The following NAV1 variants were observed in gnomAD, a reference collection of about 807,000 sequenced individuals.
The protein encoded by NAV1 is neuron navigator 1.
A neutral mutation model predicts 175.2 loss-of-function variants in NAV1; 18 were observed. That is an observed-to-expected ratio of 0.10 (90% confidence interval 0.07 to 0.15). The LOEUF is 0.15. Ranked by LOEUF, NAV1 falls within the 10% of genes least tolerant of loss-of-function variation. The pLI, the probability that NAV1 is intolerant of heterozygous loss-of-function variation, is 1.00. For missense variants in NAV1, 1,731 were observed against 2,436.6 expected, an observed-to-expected ratio of 0.71 and a Z score of 6.10; for synonymous variants, 897 against 978.7, an observed-to-expected ratio of 0.92 and a Z score of 1.56.
intron 1 of NAV1, among the ~76,000 whole-genome samples, chr1:201,581,550 C>T (rs776459709): frequency 6.6e-5 from 10 of 152,070 alleles, no homozygotes; most frequent in African/African-American, 1.7e-4. Context: ...GAGCTCCGGC[C>T]GGGCGCGGTG....
In NAV1 at chr1:201,788,613, A is replaced by G; in HGVS notation, c.3141A>G (p.Gly1047=). The change falls in exon 10 of 30, where the codon GGA becomes GGG. Residue 1047 remains glycine, a synonymous_variant. Transcript: ENST00000367296. The surrounding 1 kb of genome is among the most constrained non-coding windows in gnomAD (Gnocchi z 5.7). ...GACCCAAGGGAATGATTCGGTCAGG[A>G]TCCTTCCGAGACCCCACGGACGATG... The G allele has an allele frequency of 6.2e-7, 1 of 1,613,808 alleles. No homozygotes were observed. The highest frequency in any genetic ancestry group is 8.5e-7 in the Non-Finnish European group (1 of 1,179,888).
intron 2 of NAV1, among the ~76,000 whole-genome samples, chr1:201,597,188 G>A (rs1667371596): frequency 6.6e-6 from 1 of 152,182 alleles, no homozygotes; most frequent in South Asian, 2.1e-4. Flanking sequence ...AGGAGGTTAG[G>A]GAAATGGTCA....
At chr1:201,743,433 T>C (rs1044200190) in intron 3 of NAV1, among the ~76,000 whole-genome samples, 2 of 152,212 alleles carry the variant, frequency 1.3e-5, no homozygotes, top group Admixed American at 6.5e-5. Flanking sequence ...CACTACTAAT[T>C]AGCTTTGTGA....
At chr1:201,714,702 A>G (rs1672062852) in intron 2 of NAV1, among the ~76,000 whole-genome samples, 1 of 152,198 alleles carries the variant, frequency 6.6e-6, no homozygotes, top group South Asian at 2.1e-4. Context: ...CCATCCAAGG[A>G]AATTGTTGGA....
chr1:201,582,578 C>A (rs1338905803), intron 1 of NAV1, among the ~76,000 whole-genome samples: 1 of 152,144 alleles, frequency 6.6e-6, no homozygotes, highest in Non-Finnish European at 1.5e-5. Flanking sequence ...CCAGCCAGCT[C>A]CCCCACACAG....
intron 3 of NAV1, among the ~76,000 whole-genome samples, chr1:201,776,236 G>T (rs73088451): frequency 0.018 from 2,623 of 147,654 alleles, 69 homozygotes; most frequent in African/African-American, 0.061. Context: ...GAGTTTAGCA[G>T]CCAGGCTGGC....
chr1:201,564,607 A>G (rs1317430646), intron 1 of NAV1, among the ~76,000 whole-genome samples: 1 of 152,220 alleles, frequency 6.6e-6, no homozygotes, highest in African/African-American at 2.4e-5. Flanking sequence ...TGGGCAACAG[A>G]GTGAGACTCT....
chr1:201,775,400 C>T (rs1304172725), intron 3 of NAV1, among the ~76,000 whole-genome samples: 1 of 152,130 alleles, frequency 6.6e-6, no homozygotes, highest in African/African-American at 2.4e-5. Flanking sequence ...GAAATCTGAC[C>T]AACCCATGAG....
chr1:201,559,809 T>C (rs1334366883), intron 1 of NAV1, among the ~76,000 whole-genome samples: 1 of 152,218 alleles, frequency 6.6e-6, no homozygotes, highest in African/African-American at 2.4e-5. Context: ...CTGCATGGCC[T>C]TGCATCTTCC....
At chr1:201,728,083 A>G (rs1672683295) in intron 3 of NAV1, among the ~76,000 whole-genome samples, 1 of 152,214 alleles carries the variant, frequency 6.6e-6, no homozygotes, top group Non-Finnish European at 1.5e-5. Context: ...TTCCTGGGTC[A>G]GATGTGAACC....
chr1:201,764,989 T>G (rs1315999629), intron 3 of NAV1, among the ~76,000 whole-genome samples: 1 of 152,150 alleles, frequency 6.6e-6, no homozygotes. Flanking sequence ...ACTTGAACCT[T>G]TATCAGAAAG....
At chr1:201,542,516 G>A (rs1202742366) in intron 1 of NAV1, among the ~76,000 whole-genome samples, 14 of 152,038 alleles carry the variant, frequency 9.2e-5, no homozygotes, top group Non-Finnish European at 1.5e-4. Context: ...CGTTTCCTGG[G>A]CCTCATCTGT....
At chr1:201,572,844 G>T (rs189456596) in intron 1 of NAV1, among the ~76,000 whole-genome samples, 45 of 152,218 alleles carry the variant, frequency 3.0e-4, no homozygotes, top group Non-Finnish European at 6.0e-4. Context: ...AGATGCCCTG[G>T]GGTAGGGGGT....
intron 2 of NAV1, among the ~76,000 whole-genome samples, chr1:201,590,736 G>A (rs1049083535): frequency 6.6e-5 from 10 of 152,304 alleles, no homozygotes; most frequent in Admixed American, 1.3e-4. Flanking sequence ...TAGCCGAGTC[G>A]GCCAGGCCTC....
intron 3 of NAV1, among the ~76,000 whole-genome samples, chr1:201,768,490 TAGCC>T (rs1675354604): frequency 6.6e-6 from 1 of 151,682 alleles, no homozygotes; most frequent in Non-Finnish European, 1.5e-5. Flanking sequence ...ATTAAAAAAT[TAGCC>T]AGGCGCAGTG....
chr1:201,672,830 G>A (rs1231579208), intron 1 of NAV1, among the ~76,000 whole-genome samples: 1 of 152,228 alleles, frequency 6.6e-6, no homozygotes, highest in Admixed American at 6.5e-5. Context: ...TAAAAAACCT[G>A]CCAAACAGAC....
chr1:201,805,955 A>C (rs1404728213), intron 17 of NAV1, among the ~76,000 whole-genome samples: 1 of 151,468 alleles, frequency 6.6e-6, no homozygotes, highest in Non-Finnish European at 1.5e-5. Context: ...TCGTCAAATA[A>C]ATTTGAGAAG....
chr1:201,566,544 G>A (rs770231603), intron 1 of NAV1, among the ~76,000 whole-genome samples: 1 of 152,238 alleles, frequency 6.6e-6, no homozygotes, highest in East Asian at 1.9e-4. Flanking sequence ...GAGTTCTAGG[G>A]CTGTATCAGA....
chr1:201,655,556 T>C (rs1192338431), intron 1 of NAV1, among the ~76,000 whole-genome samples: 1 of 152,188 alleles, frequency 6.6e-6, no homozygotes, highest in Non-Finnish European at 1.5e-5. Flanking sequence ...ACACTGCTGC[T>C]TCTGGGGACT....
Sources: gnomAD v4.1 joint callset for allele counts (sites outside exome capture counted in the v4.1 genomes callset) on GRCh38, gnomAD v4.1.1 for gene constraint, Gnocchi (gnomAD v3.1) non-coding constraint, MANE v1.5 for transcripts, NCBI Gene and HGNC (gene_info 2026-07-23, HGNC 2026-07-21) for gene names.